The following NBAS variants were observed in gnomAD, a reference collection of about 807,000 sequenced individuals.
NBAS encodes the protein NBAS subunit of NRZ tethering complex.
Under a neutral mutation model 302.5 loss-of-function variants are expected in NBAS, and 219 were observed. The ratio of observed to expected loss-of-function variants is 0.72; its 90% CI spans 0.65 to 0.81. The LOEUF is 0.81. Ranked by LOEUF, NBAS falls within the 30% of genes least tolerant of loss-of-function variation. The probability of loss-of-function intolerance (pLI) is 0.00; values close to 1 mark genes in which losing one functional copy is unlikely to be tolerated. For missense variants in NBAS, 2,932 were observed against 2,841.6 expected (o/e 1.03, Z -0.72); for synonymous variants, 1,118 against 1,021.6 (o/e 1.09, Z -1.80).
chr2:15,277,928 T>A (rs2148062185), intron 42 of NBAS, among the ~76,000 whole-genome samples: 1 of 152,234 alleles, frequency 6.6e-6, no homozygotes, highest in Admixed American at 6.5e-5. Flanking sequence ...GTGATGAGTT[T>A]CATACTCCCT....
At chr2:15,120,175 A>C in the NBAS span, among the ~76,000 whole-genome samples, 2 of 152,240 alleles carry the variant, frequency 1.3e-5, no homozygotes, top group South Asian at 4.1e-4. Context: ...CTGTCTGGAC[A>C]TAGTTATAGG....
intron 25 of NBAS, among the ~76,000 whole-genome samples, chr2:15,411,299 A>G (rs1256695374): frequency 6.6e-6 from 1 of 152,012 alleles, no homozygotes; most frequent in East Asian, 1.9e-4. Flanking sequence ...CAAGACCACA[A>G]TCCCCATCCC....
At chr2:15,001,270 TTA>T in the NBAS span, among the ~76,000 whole-genome samples, 1 of 152,014 alleles carries the variant, frequency 6.6e-6, no homozygotes, top group Non-Finnish European at 1.5e-5. Flanking sequence ...GAGAGATATG[TTA>T]TATATATATG....
the NBAS span, among the ~76,000 whole-genome samples, chr2:14,963,009 C>G: frequency 3.3e-5 from 5 of 151,956 alleles, no homozygotes; most frequent in Middle Eastern, 0.017. Context: ...TGGCTTACAT[C>G]TGTAATCTCA....
chr2:15,387,121 G>C (rs6723350), intron 28 of NBAS, among the ~76,000 whole-genome samples: 92,554 of 150,004 alleles, frequency 0.62, 29,355 homozygotes, highest in Middle Eastern at 0.68. Flanking sequence ...AGGCTGGAGA[G>C]CAGTGGTGCA....
chr2:15,560,787 C>G (rs763471592), intron 1 of NBAS, among the ~76,000 whole-genome samples: 5 of 152,084 alleles, frequency 3.3e-5, no homozygotes, highest in Non-Finnish European at 5.9e-5. Context: ...CTAGCCAGAC[C>G]GCGAGAAGGG....
At chr2:15,422,991 G>A (rs528598410) in intron 23 of NBAS, among the ~76,000 whole-genome samples, 1 of 152,222 alleles carries the variant, frequency 6.6e-6, no homozygotes, top group South Asian at 2.1e-4. Context: ...AGTGCCACTG[G>A]AGTCTTAAAA....
At chr2:14,909,360 AG>A in the NBAS span, among the ~76,000 whole-genome samples, 1 of 137,662 alleles carries the variant, frequency 7.3e-6, no homozygotes, top group Non-Finnish European at 1.6e-5. Context: ...CCTAGGGGAG[AG>A]TTTCTAAAAA....
Position 15,303,382 on chromosome 2 carries a change from C to T in NBAS, c.4797+4834G>A, listed in dbSNP as rs376686055. Among the ~76,000 whole-genome samples, 23 of 152,236 alleles carry T rather than the reference C, an allele frequency of 1.5e-4. No individual in the cohort carries two copies. The South Asian group carries it at 2.3e-3, about 15-fold the overall frequency. On this transcript the variant is annotated intron_variant, in intron 40 of 51. Coordinates refer to ENST00000281513, the MANE Select transcript of NBAS (RefSeq NM_015909.4). Reference sequence around the variant, plus strand: ...ATGTCCTTTAGAGTAGGTACTCTAACGCTGAATTGATAAAAGGGTACACAA... The same window carrying T: ...ATGTCCTTTAGAGTAGGTACTCTAATGCTGAATTGATAAAAGGGTACACAA...
At chr2:15,060,214 T>C in the NBAS span, among the ~76,000 whole-genome samples, 3 of 152,142 alleles carry the variant, frequency 2.0e-5, no homozygotes, top group African/African-American at 4.8e-5. Context: ...TAAAATGAGA[T>C]GTGGACGTGG....
intron 50 of NBAS, 62 bp from the exon 51 acceptor site, chr2:15,179,178 T>C (rs1664702275): frequency 6.2e-7 from 1 of 1,612,034 alleles, no homozygotes; most frequent in Non-Finnish European, 8.5e-7. Context: ...GGCACGGTTC[T>C]GGCTGGATCA....
At chr2:15,089,133 C>T in the NBAS span, among the ~76,000 whole-genome samples, 1 of 152,084 alleles carries the variant, frequency 6.6e-6, no homozygotes, top group Non-Finnish European at 1.5e-5. Flanking sequence ...GGTTTTGTAA[C>T]ACTTCATGAA....
chr2:15,551,626 A>G (rs1664389365), intron 5 of NBAS, 90 bp from the exon 6 acceptor site: 1 of 894,678 alleles, frequency 1.1e-6, no homozygotes, highest in Non-Finnish European at 1.8e-6. Context: ...GACAGCCTCT[A>G]TATACAATGC....
chr2:15,360,955 A>G (rs1024909870), intron 32 of NBAS, among the ~76,000 whole-genome samples: 1 of 152,200 alleles, frequency 6.6e-6, no homozygotes, highest in Non-Finnish European at 1.5e-5. Flanking sequence ...CACTTAAGCC[A>G]GTAACATAGT....
chr2:15,131,599 T>G, the NBAS span, among the ~76,000 whole-genome samples: 1 of 152,172 alleles, frequency 6.6e-6, no homozygotes, highest in Non-Finnish European at 1.5e-5. Flanking sequence ...TTTTTTAAAA[T>G]TTTATTATTA....
Position 15,553,406 on chromosome 2 carries a change from T to C in NBAS, c.335+20A>G. On this transcript the variant is annotated intron_variant, in intron 5 of 51. Coordinates refer to ENST00000281513, the MANE Select transcript of NBAS (RefSeq NM_015909.4). ...TATTTCTCAAAGGAAATCTTGAATA[T>C]GAATAATATTAACAATTACCTGATT... 6.3e-7 allele frequency: 1 copy of C among 1,587,158 alleles called. No homozygotes were observed. Among genetic ancestry groups the C allele is most frequent in the African/African-American group, 1.3e-5 (1 of 74,414 alleles).
the NBAS span, among the ~76,000 whole-genome samples, chr2:14,826,070 G>A: frequency 6.6e-6 from 1 of 152,118 alleles, no homozygotes; most frequent in Non-Finnish European, 1.5e-5. Flanking sequence ...AATGTTTTTT[G>A]TTTCAAGAGG....
chr2:15,348,199 C>T (rs1673182940), intron 35 of NBAS, among the ~76,000 whole-genome samples: 1 of 152,144 alleles, frequency 6.6e-6, no homozygotes, highest in South Asian at 2.1e-4. Context: ...GCGTGCATTG[C>T]AGGTTTGGAC....
chr2:15,003,058 G>A, the NBAS span, among the ~76,000 whole-genome samples: 14 of 152,254 alleles, frequency 9.2e-5, no homozygotes, highest in African/African-American at 3.1e-4. Flanking sequence ...CGCCGAGAGC[G>A]AGCGAGGGCT....
Sources: gnomAD v4.1 joint callset for allele counts (sites outside exome capture counted in the v4.1 genomes callset) on GRCh38, gnomAD v4.1.1 for gene constraint, MANE v1.5 for transcripts, NCBI Gene and HGNC (gene_info 2026-07-23, HGNC 2026-07-21) for gene names.